Variants in PCBP3 observed in about 807,000 individuals in gnomAD.
PCBP3 encodes poly(rC) binding protein 3.
A neutral mutation model predicts 52.7 loss-of-function variants in PCBP3; 25 were observed. That is an observed-to-expected ratio of 0.47 (90% CI 0.35 to 0.66). PCBP3 has a LOEUF of 0.66. Ranked by LOEUF, PCBP3 falls within the 30% of genes least tolerant of loss-of-function variation. The pLI is 0.01. For synonymous variants in PCBP3, 162 were observed against 183.0 expected (o/e 0.89, Z 0.93); for missense variants, 391 against 490.3 (o/e 0.80, Z 1.91).
In PCBP3 at chr21:45,851,445, A is replaced by G. The variant is rs189194265; in HGVS notation, c.10+1350A>G. Reference sequence around the variant, plus strand: ...GAGAATTGCTTGAACCCGGGAGGAGAAGGTTGTAGTGAGCCAAGATTGTGC... The same window carrying G: ...GAGAATTGCTTGAACCCGGGAGGAGGAGGTTGTAGTGAGCCAAGATTGTGC... On this transcript the variant is annotated intron_variant, in intron 5 of 17. Transcript: ENST00000681687. Among the ~76,000 whole-genome samples, 566 of 152,106 alleles carry G rather than the reference A, an allele frequency of 3.7e-3. 3 individuals carry two copies. Among genetic ancestry groups the G allele is most frequent in the Admixed American group, 8.7e-3 (133 of 15,276 alleles).
chr21:45,935,471 GGTTTAAT>G (rs2149556439), intron 16 of PCBP3, 166 bp downstream of exon 16: 2 of 702,046 alleles, frequency 2.8e-6, no homozygotes, highest in South Asian at 3.0e-5. Context: ...TTTTAAAGTG[GGTTTAAT>G]GCCCATAAAA....
intron 9 of PCBP3, among the ~76,000 whole-genome samples, chr21:45,908,532 G>A (rs1312186038): frequency 2.6e-5 from 4 of 152,304 alleles, no homozygotes; most frequent in Middle Eastern, 3.4e-3. Context: ...GCCCTGAATC[G>A]TAACTCAGGC....
chr21:45,801,884 A>G (rs533047004), intron 4 of PCBP3, among the ~76,000 whole-genome samples: 6 of 152,344 alleles, frequency 3.9e-5, no homozygotes, highest in African/African-American at 7.2e-5. Flanking sequence ...ATTACTCCCC[A>G]TGATCTACTC....
At position 45,821,171 on chromosome 21, in the gene PCBP3, C is replaced by T. The variant is rs780980784; in HGVS notation, c.-125-28790C>T. Among the ~76,000 whole-genome samples, 1 of 152,146 alleles carries T rather than the reference C, an allele frequency of 6.6e-6. No homozygotes were observed. Among genetic ancestry groups the T allele is most frequent in the Non-Finnish European group, 1.5e-5 (1 of 68,020 alleles). On this transcript the variant is annotated intron_variant, in intron 4 of 17. Transcript: ENST00000681687. This position sits in a 1 kb window ranked among gnomAD's most constrained non-coding sequence, Gnocchi z 4.4. ...TCAACTCTTGACCTGCTCCCCCTTC[C>T]CGGTTCCCACTTTTTGCCTGGCAGG... is the stretch of plus-strand genomic sequence containing the variant.
intron 4 of PCBP3, among the ~76,000 whole-genome samples, chr21:45,842,301 AC>A (rs2093715506): frequency 6.6e-6 from 1 of 152,192 alleles, no homozygotes. Context: ...CAGGATATTC[AC>A]CTAGATTCCC....
At chr21:45,835,812 A>C (rs914143338) in intron 4 of PCBP3, among the ~76,000 whole-genome samples, 4 of 151,882 alleles carry the variant, frequency 2.6e-5, no homozygotes, top group Non-Finnish European at 5.9e-5. Flanking sequence ...CAGGGTCTTG[A>C]GCTTGACCCG....
In PCBP3 at chr21:45,653,036, C is replaced by T. The variant is rs558672864; in HGVS notation, c.-279+9168C>T. 2.0e-5 allele frequency among the ~76,000 whole-genome samples: 3 copies of T among 152,008 alleles called. No individual in the cohort carries two copies. The South Asian group carries it at 6.2e-4, about 32-fold the overall frequency. ...TGGATTCCTAGGTAATTTAGAAGAACGTTTAAACATTTCTAAACATATGCA... is the reference window on the plus strand; with the variant it reads ...TGGATTCCTAGGTAATTTAGAAGAATGTTTAAACATTTCTAAACATATGCA... On this transcript the variant is annotated intron_variant, in intron 1 of 17. Coordinates refer to ENST00000681687, the MANE Select transcript of PCBP3 (RefSeq NM_001384156.1).
At chr21:45,703,727 G>A (rs2083274427) in intron 2 of PCBP3, among the ~76,000 whole-genome samples, 1 of 152,184 alleles carries the variant, frequency 6.6e-6, no homozygotes, top group Non-Finnish European at 1.5e-5. Flanking sequence ...GGATGGTGGT[G>A]GCTGTGACCA....
intron 5 of PCBP3, among the ~76,000 whole-genome samples, chr21:45,882,798 G>A (rs1349565803): frequency 6.6e-6 from 1 of 152,166 alleles, no homozygotes; most frequent in Non-Finnish European, 1.5e-5. Context: ...CCCCGTGTGT[G>A]TTCCTGGTGT....
At chr21:45,912,234 G>A (rs1220887843) in intron 11 of PCBP3, among the ~76,000 whole-genome samples, 1 of 152,198 alleles carries the variant, frequency 6.6e-6, no homozygotes, top group East Asian at 1.9e-4. Context: ...AGGGAGGTTT[G>A]AGCAAGACAG....
At chr21:45,654,956 G>A (rs992257818) in intron 1 of PCBP3, among the ~76,000 whole-genome samples, 2 of 152,094 alleles carry the variant, frequency 1.3e-5, no homozygotes, top group Non-Finnish European at 2.9e-5. Context: ...TCATATGAGT[G>A]GAATTATATA....
At position 45,781,178 on chromosome 21, in the gene PCBP3, G is replaced by A. The variant is rs562213037; in HGVS notation, c.-126+25726G>A. 9.2e-5 allele frequency among the ~76,000 whole-genome samples: 14 copies of A among 152,282 alleles called. No individual in the cohort carries two copies. The South Asian group carries it at 2.9e-3, about 32-fold the overall frequency. On this transcript the variant is annotated intron_variant, in intron 4 of 17. Coordinates refer to ENST00000681687, the MANE Select transcript of PCBP3 (RefSeq NM_001384156.1). ...CCAACCTATATTCAGAATGGATTCT[G>A]AGGCAACATAATATTATAAAAATTC...
chr21:45,927,860 C>G (rs552709841), intron 13 of PCBP3, among the ~76,000 whole-genome samples: 7 of 152,294 alleles, frequency 4.6e-5, no homozygotes, highest in African/African-American at 1.7e-4. Context: ...GGAGCCGACT[C>G]CAACCCCTGT....
At chr21:45,916,907 C>G (rs2073538902) in intron 12 of PCBP3, 1 of 152,194 alleles carries the variant, frequency 6.6e-6, no homozygotes, top group Non-Finnish European at 1.5e-5. Flanking sequence ...TCTCACCTGC[C>G]CGGATTTCAG....
At chr21:45,864,255 C>T (rs961579709) in intron 5 of PCBP3, among the ~76,000 whole-genome samples, 6 of 152,114 alleles carry the variant, frequency 3.9e-5, no homozygotes, top group Non-Finnish European at 7.4e-5. Context: ...ATTACATCCC[C>T]GCCACTAGCG....
intron 4 of PCBP3, among the ~76,000 whole-genome samples, chr21:45,759,359 T>C (rs926329324): frequency 6.6e-6 from 1 of 152,246 alleles, no homozygotes; most frequent in African/African-American, 2.4e-5. Context: ...TGTTATAAGA[T>C]TTTTTTCTGT....
chr21:45,810,365 G>A (rs919730409), intron 4 of PCBP3, among the ~76,000 whole-genome samples: 22 of 151,852 alleles, frequency 1.4e-4, no homozygotes, highest in African/African-American at 4.1e-4. Flanking sequence ...CCAGCCTCCC[G>A]AGTAGCTGGG....
chr21:45,648,176 A>G lies in PCBP3; in HGVS notation c.-279+4308A>G, dbSNP rs150839222. The stretch of plus-strand genomic sequence containing the variant: ...TCTGACTTGTGACCTCCAAAACTGT[A>G]AGATAAATGTTTGTTGTATTAAAAC... On this transcript the variant is annotated intron_variant, in intron 1 of 17. Coordinates refer to ENST00000681687, the MANE Select transcript of PCBP3 (RefSeq NM_001384156.1). Among the ~76,000 whole-genome samples the G allele has an allele frequency of 2.1e-3, 325 of 152,336 alleles. 1 individual carries two copies. The highest frequency in any genetic ancestry group is 7.1e-3 in the African/African-American group (296 of 41,584).
rs1016073205 is a variant in PCBP3, at chr21:45,821,476, C to T, written c.-125-28485C>T. Among the ~76,000 whole-genome samples, 4 of 150,458 alleles carry T rather than the reference C, an allele frequency of 2.7e-5. No homozygotes were observed. The highest frequency in any genetic ancestry group is 4.4e-5 in the Non-Finnish European group (3 of 67,488). On this transcript the variant is annotated intron_variant, in intron 4 of 17. Transcript: ENST00000681687. This position sits in a 1 kb window ranked among gnomAD's most constrained non-coding sequence, Gnocchi z 4.4. ...TCCCCCAACTCTTTTCTAGAACACT[C>T]TTCCCCCTGCACCACGCTGTGGGCC...
Sources: allele counts gnomAD v4.1 joint callset (sites outside exome capture counted in the v4.1 genomes callset), GRCh38; gene constraint gnomAD v4.1.1; non-coding constraint Gnocchi (gnomAD v3.1); transcripts MANE v1.5; gene names NCBI Gene and HGNC (gene_info 2026-07-23, HGNC 2026-07-21).